The following TMEM272 variants were observed in gnomAD, a reference collection of about 807,000 sequenced individuals.
TMEM272 encodes the protein transmembrane protein 272, also known as long intergenic non-protein coding RNA 282.
A neutral mutation model predicts 3.7 loss-of-function variants in TMEM272; 8 were observed. That is an observed-to-expected ratio of 2.17 (90% CI 1.27 to 3.91). TMEM272 has a LOEUF of 3.91. Among genes scored for constraint, TMEM272 ranks in the 30% most tolerant of loss-of-function variants. The pLI is 0.00. For missense variants in TMEM272, 166 were observed against 91.5 expected (o/e 1.81, Z -3.32); for synonymous variants, 63 against 39.8 (o/e 1.58, Z -2.20).
chr13:51,916,920 T>C, the TMEM272 span, among the ~76,000 whole-genome samples: 1 of 152,182 alleles, frequency 6.6e-6, no homozygotes, highest in Non-Finnish European at 1.5e-5. Flanking sequence ...ATCCTCAGGC[T>C]CTGGGAAGCT....
chr13:51,922,028 T>C, the TMEM272 span, among the ~76,000 whole-genome samples: 2 of 152,200 alleles, frequency 1.3e-5, no homozygotes, highest in African/African-American at 4.8e-5. Flanking sequence ...CTGTCAAGAC[T>C]TAACGTCTTT....
the TMEM272 span, among the ~76,000 whole-genome samples, chr13:51,920,380 A>G: frequency 6.6e-6 from 1 of 152,176 alleles, no homozygotes; most frequent in Non-Finnish European, 1.5e-5. Context: ...AGCACAGGTG[A>G]GCCCTGAGGA....
chr13:51,887,082 T>C, the TMEM272 span, among the ~76,000 whole-genome samples: 2 of 152,212 alleles, frequency 1.3e-5, no homozygotes, highest in African/African-American at 2.4e-5. Context: ...GTCTTCTCCT[T>C]ATTTTCCTCT....
chr13:51,864,527 A>C, the TMEM272 span, among the ~76,000 whole-genome samples: 9 of 152,156 alleles, frequency 5.9e-5, no homozygotes, highest in South Asian at 6.2e-4. Context: ...GGTTTATAAG[A>C]TTTACCCATG....
At chr13:51,866,700 T>C in the TMEM272 span, among the ~76,000 whole-genome samples, 3 of 152,192 alleles carry the variant, frequency 2.0e-5, no homozygotes, top group African/African-American at 7.2e-5. Flanking sequence ...AGCGTGAGAA[T>C]GGGGCCTTGG....
the TMEM272 span, among the ~76,000 whole-genome samples, chr13:51,903,741 G>A: frequency 6.6e-6 from 1 of 152,192 alleles, no homozygotes; most frequent in Non-Finnish European, 1.5e-5. Context: ...ACTCGTGTGG[G>A]TGTGGGGCAA....
chr13:51,890,366 G>A, the TMEM272 span, among the ~76,000 whole-genome samples: 1 of 152,032 alleles, frequency 6.6e-6, no homozygotes, highest in African/African-American at 2.4e-5. Context: ...TTCCACAAGA[G>A]CTAGTTGTTA....
At chr13:51,922,150 G>A in the TMEM272 span, among the ~76,000 whole-genome samples, 8 of 152,292 alleles carry the variant, frequency 5.3e-5, no homozygotes, top group African/African-American at 1.4e-4. Context: ...CCATCCAACC[G>A]CAGGAGTTAT....
chr13:51,839,873 G>T (rs145126947), intron 1 of TMEM272, among the ~76,000 whole-genome samples: 1 of 152,124 alleles, frequency 6.6e-6, no homozygotes, highest in African/African-American at 2.4e-5. Flanking sequence ...GCTGAGACTC[G>T]GGGTTCTTAT....
intron 2 of TMEM272, among the ~76,000 whole-genome samples, chr13:51,832,974 G>A (rs897008560): frequency 9.9e-5 from 15 of 152,194 alleles, no homozygotes; most frequent in African/African-American, 1.4e-4. Context: ...CAGGGGCAGC[G>A]CACAATGCAG....
At chr13:51,853,234 C>T in the TMEM272 span, among the ~76,000 whole-genome samples, 1 of 152,002 alleles carries the variant, frequency 6.6e-6, no homozygotes, top group African/African-American at 2.4e-5. Flanking sequence ...TATAGTGAAA[C>T]CCCATCTCTA....
intron 1 of TMEM272, among the ~76,000 whole-genome samples, chr13:51,841,443 T>A (rs1279347373): frequency 2.6e-5 from 4 of 152,188 alleles, no homozygotes; most frequent in Admixed American, 2.6e-4. Flanking sequence ...AGTCTTCAAA[T>A]CCACAGCAGC....
At chr13:51,919,678 TTG>T in the TMEM272 span, among the ~76,000 whole-genome samples, 1 of 152,234 alleles carries the variant, frequency 6.6e-6, no homozygotes, top group African/African-American at 2.4e-5. Context: ...ACATCGCAAG[TTG>T]TCTGTCCACT....
chr13:51,852,246 T>G, the TMEM272 span, among the ~76,000 whole-genome samples: 1 of 152,264 alleles, frequency 6.6e-6, no homozygotes, highest in African/African-American at 2.4e-5. Flanking sequence ...ATTATAAGTA[T>G]GGTTGAAAAT....
At chr13:51,877,585 G>C in the TMEM272 span, among the ~76,000 whole-genome samples, 1 of 152,200 alleles carries the variant, frequency 6.6e-6, no homozygotes, top group Non-Finnish European at 1.5e-5. Flanking sequence ...CAAGAAAGTA[G>C]AAACAGCAAA....
chr13:51,902,722 CA>C, the TMEM272 span, among the ~76,000 whole-genome samples: 14 of 152,240 alleles, frequency 9.2e-5, no homozygotes. Context: ...CTGAGAAACC[CA>C]AACGGGAACC....
the TMEM272 span, among the ~76,000 whole-genome samples, chr13:51,930,125 CT>C: frequency 1.2e-4 from 13 of 104,146 alleles, no homozygotes; most frequent in Non-Finnish European, 3.0e-4. Flanking sequence ...GAGTATTTGC[CT>C]TCCCCCCCCC....
At chr13:51,903,158 T>C in the TMEM272 span, among the ~76,000 whole-genome samples, 1 of 152,234 alleles carries the variant, frequency 6.6e-6, no homozygotes, top group South Asian at 2.1e-4. Context: ...CTCACCTCCT[T>C]AGTGTGTGTA....
intron 1 of TMEM272, among the ~76,000 whole-genome samples, chr13:51,841,276 C>T (rs144294835): frequency 2.4e-4 from 36 of 152,364 alleles, no homozygotes; most frequent in African/African-American, 8.7e-4. Context: ...CCACGAACCA[C>T]AGCATTTTTC....
Sources: allele counts gnomAD v4.1 joint callset (sites outside exome capture counted in the v4.1 genomes callset), GRCh38; gene constraint gnomAD v4.1.1; transcripts MANE v1.5; gene names NCBI Gene and HGNC (gene_info 2026-07-23, HGNC 2026-07-21).